Variants in LRRC51 observed in about 807,000 individuals in gnomAD.
LRRC51 encodes leucine-rich repeat-containing protein 51.
Under a neutral mutation model 17.8 loss-of-function variants are expected in LRRC51, and 8 were observed. The observed-to-expected ratio is 0.45, with a 90% CI of 0.26 to 0.81. The LOEUF (loss-of-function observed/expected upper bound fraction) is 0.81. Ranked by LOEUF, LRRC51 falls within the 30% of genes least tolerant of loss-of-function variation. The pLI, the probability that LRRC51 is intolerant of heterozygous loss-of-function variation, is 0.17. For synonymous variants in LRRC51, 92 were observed against 96.0 expected (o/e 0.96, Z 0.24); for missense variants, 233 against 239.3 (o/e 0.97, Z 0.17).
Position 72,095,518 on chromosome 11 carries a change from T to C in LRRC51, c.577T>C (p.Ter193ArgextTer18). The change falls in exon 6 of 6, where the codon TGA (stop) becomes CGA (arginine). Residue 193 changes from the stop codon to arginine, a stop_lost. Coordinates refer to ENST00000289488, the MANE Select transcript of LRRC51 (RefSeq NM_145309.6). ...GGCCTGGACCAAGCAGAATACACTT[T>C]GAGGCTCCCACGACCCTAGTAGTCC... ...KKAWTKQNTL[*>R] is the part of the protein sequence containing the mutation. 1 of 1,613,720 alleles carries C rather than the reference T, an allele frequency of 6.2e-7. No individual in the cohort carries two copies. The highest frequency in any genetic ancestry group is 8.5e-7 in the Non-Finnish European group (1 of 1,179,788).
In LRRC51 at chr11:72,095,325, G is replaced by C. The variant is rs185370021; in HGVS notation, c.438-54G>C. 1,015 of 1,612,772 alleles carry C rather than the reference G, an allele frequency of 6.3e-4. 6 individuals carry two copies. In the Middle Eastern group the frequency reaches 0.02, roughly 33 times the overall value. ...GGGAAGACAACAGCAACTAGTGGAG[G>C]GGGAAGGGGATTCTGGTGGGGGTGC... On this transcript the variant is annotated intron_variant, in intron 5 of 5. Coordinates refer to ENST00000289488, the MANE Select transcript of LRRC51 (RefSeq NM_145309.6).
In LRRC51 at chr11:72,096,536, C is replaced by T. The variant is rs1300078020; in HGVS notation, c.*1016C>T. 10 of 1,326,096 alleles carry T rather than the reference C, an allele frequency of 7.5e-6. No homozygotes were observed. Among genetic ancestry groups the T allele is most frequent in the Non-Finnish European group, 9.6e-6 (10 of 1,038,516 alleles). 82.1% of individuals were successfully genotyped at this position (1,326,096 alleles called of 1,614,324 possible). On this transcript the variant is annotated 3_prime_UTR_variant, in exon 6 of 6. Coordinates refer to ENST00000289488, the MANE Select transcript of LRRC51 (RefSeq NM_145309.6). Reference sequence around the variant, plus strand: ...TACAGGATAAGCCACTGCACCTGGCCAGCTCTAGTCTTATTTTGCTGAAAA... The same window carrying T: ...TACAGGATAAGCCACTGCACCTGGCTAGCTCTAGTCTTATTTTGCTGAAAA...
At chr11:72,082,061 T>C (rs1465972948) in intron 1 of LRRC51, among the ~76,000 whole-genome samples, 3 of 152,198 alleles carry the variant, frequency 2.0e-5, no homozygotes, top group Non-Finnish European at 2.9e-5. Flanking sequence ...CGGAAGGACT[T>C]GTTCCAAGGA....
chr11:72,093,523 GACT>G lies in LRRC51; in HGVS notation c.113_115del (p.Leu38del). ...CTGGTAAATGAGGAGCCAAGGACAGGACTACGACCACTGAAGCGTTCAAAGTCG... is the reference window on the plus strand; with the variant it reads ...CTGGTAAATGAGGAGCCAAGGACAGGACGACCACTGAAGCGTTCAAAGTCG... On this transcript the variant is annotated inframe_deletion, in exon 4 of 6. Coordinates refer to ENST00000289488, the MANE Select transcript of LRRC51 (RefSeq NM_145309.6). 1 of 1,613,924 alleles carries G rather than the reference GACT, an allele frequency of 6.2e-7. No homozygotes were observed. The highest frequency in any genetic ancestry group is 8.5e-7 in the Non-Finnish European group (1 of 1,179,930).
chr11:72,092,116 T>C (rs1944895465), intron 3 of LRRC51, among the ~76,000 whole-genome samples: 1 of 152,232 alleles, frequency 6.6e-6, no homozygotes, highest in Admixed American at 6.5e-5. Context: ...TCTTCCTCCC[T>C]GACCTTCCTC....
chr11:72,094,719 C>A, intron 4 of LRRC51: 1 of 832,670 alleles, frequency 1.2e-6, no homozygotes, highest in Non-Finnish European at 2.0e-6. Flanking sequence ...TGCTGGTACC[C>A]AGGCCCACAC....
In LRRC51 at chr11:72,095,488, A is replaced by G; in HGVS notation, c.547A>G (p.Lys183Glu). The G allele has an allele frequency of 6.2e-7, 1 of 1,614,094 alleles. No homozygotes were observed. Among genetic ancestry groups the G allele is most frequent in the African/African-American group, 1.3e-5 (1 of 75,026 alleles). Residue 183 changes from lysine (K) to glutamate (E), a missense_variant, in exon 6 of 6, where the codon AAG becomes GAG. Lys to Glu is a moderately conservative substitution (Grantham distance 56). Coordinates refer to ENST00000289488, the MANE Select transcript of LRRC51 (RefSeq NM_145309.6). ...EVWKRMNIKP[K>E]KAWTKQNTL is the part of the protein sequence containing the mutation. The stretch of plus-strand genomic sequence containing the variant: ...CTGGAAACGCATGAACATCAAGCCC[A>G]AGAAGGCCTGGACCAAGCAGAATAC...
chr11:72,096,798 GC>G lies in LRRC51; in HGVS notation c.*1283del. 7.2e-7 allele frequency: 1 copy of G among 1,387,294 alleles called. No individual in the cohort carries two copies. The highest frequency in any genetic ancestry group is 9.5e-7 in the Non-Finnish European group (1 of 1,050,636). 85.9% of individuals were successfully genotyped at this position (1,387,294 alleles called of 1,614,324 possible). ...AGATGGCCTATGATCTCTGAAACCAGCCCCCACTTCAATCAGATCAAAGTAA... is the reference window on the plus strand; with the variant it reads ...AGATGGCCTATGATCTCTGAAACCAGCCCCACTTCAATCAGATCAAAGTAA... On this transcript the variant is annotated 3_prime_UTR_variant, in exon 6 of 6. Transcript: ENST00000289488.
In LRRC51 at chr11:72,095,572, T is replaced by C. The variant is rs781775043; in HGVS notation, c.*52T>C. ...AGGCCTAAGCATAGACAGCATGGTTTGACAATAAATAATTTGAGCTGTTGA... is the reference window on the plus strand; with the variant it reads ...AGGCCTAAGCATAGACAGCATGGTTCGACAATAAATAATTTGAGCTGTTGA... On this transcript the variant is annotated 3_prime_UTR_variant, in exon 6 of 6. Coordinates refer to ENST00000289488, the MANE Select transcript of LRRC51 (RefSeq NM_145309.6). The C allele has an allele frequency of 1.3e-5, 21 of 1,592,652 alleles. No homozygotes were observed. The highest frequency in any genetic ancestry group is 1.6e-5 in the Non-Finnish European group (19 of 1,168,842).
chr11:72,096,856 T>G lies in LRRC51; in HGVS notation c.*1336T>G. 1 of 1,266,512 alleles carries G rather than the reference T, an allele frequency of 7.9e-7. No homozygotes were observed. Among genetic ancestry groups the G allele is most frequent in the Non-Finnish European group, 1.0e-6 (1 of 994,206 alleles). 78.5% of individuals were successfully genotyped at this position (1,266,512 alleles called of 1,614,324 possible). A position where few individuals can be genotyped will look rare whatever the true frequency, so the allele number is the denominator to read the frequency against. ...TCTGTTTTATATGCTGGGATTCTGC[T>G]TAAGATTTCATTTGATAAAAAGAAT... is the stretch of plus-strand genomic sequence containing the variant. On this transcript the variant is annotated 3_prime_UTR_variant, in exon 6 of 6. Coordinates refer to ENST00000289488, the MANE Select transcript of LRRC51 (RefSeq NM_145309.6).
chr11:72,091,421 C>G (rs1565317670), intron 3 of LRRC51, among the ~76,000 whole-genome samples: 1 of 152,106 alleles, frequency 6.6e-6, no homozygotes, highest in Admixed American at 6.5e-5. Context: ...AGGATTAAGG[C>G]AGAGAGCCAT....
Position 72,089,018 on chromosome 11 carries a change from T to G in LRRC51, c.-55-11T>G. ...TGTACTTGAAACACTGGTCTTTCTCTGTCCTCCCAGGCTGAACCCAGACTC... is the reference window on the plus strand; with the variant it reads ...TGTACTTGAAACACTGGTCTTTCTCGGTCCTCCCAGGCTGAACCCAGACTC... On this transcript the variant is annotated splice_polypyrimidine_tract_variant and intron_variant, in intron 2 of 5. Coordinates refer to ENST00000289488, the MANE Select transcript of LRRC51 (RefSeq NM_145309.6). 6.2e-7 allele frequency: 1 copy of G among 1,611,274 alleles called. No homozygotes were observed. Among genetic ancestry groups the G allele is most frequent in the Non-Finnish European group, 8.5e-7 (1 of 1,179,596 alleles).
Position 72,095,047 on chromosome 11 carries a change from C to A in LRRC51, c.388C>A (p.Arg130Ser), listed in dbSNP as rs374801506. The A allele has an allele frequency of 1.9e-6, 3 of 1,613,906 alleles. No individual in the cohort carries two copies. The highest frequency in any genetic ancestry group is 3.3e-5 in the Admixed American group (2 of 59,990). Reference sequence around the variant, plus strand: ...TAAGCTGGCTGTCCTTCCTCGGCTCCGTAGCCTGACACTCCATGGGAACCC... The same window carrying A: ...TAAGCTGGCTGTCCTTCCTCGGCTCAGTAGCCTGACACTCCATGGGAACCC... ...VNKLAVLPRL[R>S]SLTLHGNPME... The change falls in exon 5 of 6, where the codon CGT (arginine) becomes AGT (serine). Residue 130 changes from arginine (R) to serine (S), a missense_variant. By Grantham distance (110) the Arg-to-Ser change is moderately radical. Coordinates refer to ENST00000289488, the MANE Select transcript of LRRC51 (RefSeq NM_145309.6).
chr11:72,082,780 C>T (rs1162296289), intron 1 of LRRC51, among the ~76,000 whole-genome samples: 1 of 152,142 alleles, frequency 6.6e-6, no homozygotes, highest in Non-Finnish European at 1.5e-5. Flanking sequence ...TCCTGCCTTC[C>T]CTCCCAGCCA....
At chr11:72,088,071 C>T (rs1944646618) in intron 1 of LRRC51, among the ~76,000 whole-genome samples, 1 of 152,154 alleles carries the variant, frequency 6.6e-6, no homozygotes, top group South Asian at 2.1e-4. Flanking sequence ...AGTTCTTGTC[C>T]TTATCCTTGT....
At position 72,096,852 on chromosome 11, in the gene LRRC51, C is replaced by T; in HGVS notation, c.*1332C>T. 1 of 1,268,242 alleles carries T rather than the reference C, an allele frequency of 7.9e-7. No homozygotes were observed. The highest frequency in any genetic ancestry group is 1.0e-6 in the Non-Finnish European group (1 of 994,328). The allele number at this position is 1,268,242 out of a possible 1,614,324, so 78.6% of individuals were successfully genotyped here. A position where few individuals can be genotyped will look rare whatever the true frequency, so the allele number is the denominator to read the frequency against. On this transcript the variant is annotated 3_prime_UTR_variant, in exon 6 of 6. Transcript: ENST00000289488. The stretch of plus-strand genomic sequence containing the variant: ...CCATTCTGTTTTATATGCTGGGATT[C>T]TGCTTAAGATTTCATTTGATAAAAA...
At chr11:72,089,278 C>A in intron 3 of LRRC51, 113 bp downstream of exon 3, 1 of 1,553,758 alleles carries the variant, frequency 6.4e-7, no homozygotes, top group Non-Finnish European at 8.8e-7. Context: ...CATATGCTTG[C>A]AGATGTGTTG....
Position 72,096,640 on chromosome 11 carries a change from TCTAA to T in LRRC51, c.*1123_*1126del. 1 of 1,526,946 alleles carries T rather than the reference TCTAA, an allele frequency of 6.5e-7. No homozygotes were observed. Among genetic ancestry groups the T allele is most frequent in the South Asian group, 1.3e-5 (1 of 79,252 alleles). The allele number at this position is 1,526,946 out of a possible 1,614,324, so 94.6% of individuals were successfully genotyped here. A position where few individuals can be genotyped will look rare whatever the true frequency, so the allele number is the denominator to read the frequency against. On this transcript the variant is annotated 3_prime_UTR_variant, in exon 6 of 6. Transcript: ENST00000289488. ...TTACCACACAGCCTTGGGAAATTTA[TCTAA>T]CTCTCTGGGCCCCTTTGTACTTTTC...
intron 3 of LRRC51, among the ~76,000 whole-genome samples, chr11:72,091,411 A>G (rs1944852607): frequency 6.6e-6 from 1 of 152,086 alleles, no homozygotes; most frequent in South Asian, 2.1e-4. Flanking sequence ...TGCTCACTCT[A>G]GGATTAAGGC....
Sources: allele counts gnomAD v4.1 joint callset (sites outside exome capture counted in the v4.1 genomes callset), GRCh38; gene constraint gnomAD v4.1.1; transcripts MANE v1.5; gene names NCBI Gene and HGNC (gene_info 2026-07-23, HGNC 2026-07-21).